Variants in ARHGAP29 observed in about 807,000 individuals in gnomAD.
The protein encoded by ARHGAP29 is Rho GTPase activating protein 29, also known as rho GTPase-activating protein 29.
A neutral mutation model predicts 122.6 loss-of-function variants in ARHGAP29; 43 were observed. That is an observed-to-expected ratio of 0.35 (90% CI 0.27 to 0.45). The LOEUF (loss-of-function observed/expected upper bound fraction) is 0.45, where lower values mean the gene tolerates loss of function less well. Among genes scored for constraint, ARHGAP29 ranks in the 20% least tolerant of loss-of-function variants. The pLI is 1.00. For synonymous variants in ARHGAP29, 506 were observed against 497.1 expected (o/e 1.02, Z -0.24); for missense variants, 1,303 against 1,477.2 (o/e 0.88, Z 1.93).
chr1:94,277,941 AAGTAGTT>A (rs1655243378), upstream of ARHGAP29, among the ~76,000 whole-genome samples: 2 of 152,356 alleles, frequency 1.3e-5, no homozygotes, highest in African/African-American at 4.8e-5. Flanking sequence ...CAAAGGGGCT[AAGTAGTT>A]TTTGAAAAAT....
upstream of ARHGAP29, among the ~76,000 whole-genome samples, chr1:94,240,600 A>T (rs1653537220): frequency 6.6e-6 from 1 of 152,234 alleles, no homozygotes; most frequent in African/African-American, 2.4e-5. Flanking sequence ...CCAATAGCTT[A>T]AGTTTTTCAA....
At chr1:94,206,040 A>G (rs1317119286) in intron 5 of ARHGAP29, among the ~76,000 whole-genome samples, 5 of 152,214 alleles carry the variant, frequency 3.3e-5, no homozygotes, top group African/African-American at 1.2e-4. Context: ...GAAGACACAG[A>G]TCTGCCTCTT....
chr1:94,302,078 C>A, the ARHGAP29 span: 1 of 278,062 alleles, frequency 3.6e-6, no homozygotes, highest in Non-Finnish European at 7.0e-6. Flanking sequence ...TTTGGCCATA[C>A]TGGGCACCTG....
the ARHGAP29 span, among the ~76,000 whole-genome samples, chr1:94,310,371 T>G: frequency 6.6e-6 from 1 of 152,192 alleles, no homozygotes; most frequent in Non-Finnish European, 1.5e-5. Context: ...CCCAGCTGGA[T>G]GAAGCCATGT....
chr1:94,292,523 G>T, the ARHGAP29 span, among the ~76,000 whole-genome samples: 1 of 152,172 alleles, frequency 6.6e-6, no homozygotes, highest in Non-Finnish European at 1.5e-5. Flanking sequence ...TTCCTTTGGA[G>T]GAGAAGAGGC....
intron 3 of ARHGAP29, among the ~76,000 whole-genome samples, chr1:94,215,444 A>T (rs1482727876): frequency 6.6e-6 from 1 of 152,106 alleles, no homozygotes; most frequent in Non-Finnish European, 1.5e-5. Context: ...AAAAACTATA[A>T]TAAAAACAGT....
At chr1:94,253,636 A>ACGCACGCACGCACGCACG (rs1553214897) in intron 1 of ARHGAP29, among the ~76,000 whole-genome samples, 2 of 149,232 alleles carry the variant, frequency 1.3e-5, no homozygotes, top group Non-Finnish European at 3.0e-5. Flanking sequence ...TCTGGAACAC[A>ACGCACGCACGCACGCACG]CACGCACGCA....
rs1169379585 is a variant in ARHGAP29 at position 94,203,124 on chromosome 1, A to G, written c.849T>C (p.Ala283=). Residue 283 remains alanine, a synonymous_variant, in exon 9 of 23, where the codon GCT becomes GCC. Coordinates refer to ENST00000260526, the MANE Select transcript of ARHGAP29 (RefSeq NM_004815.4). ...SSHLLQQTIA[A]LQANKFVQPL... is the part of the protein sequence containing the mutation. ...CCTGCACAAATTTGTTAGCCTGGAG[A>G]GCTGCAATTGTTTGTTGTAAAAGGT... 7 of 1,613,108 alleles carry G rather than the reference A, an allele frequency of 4.3e-6. No individual in the cohort carries two copies. The highest frequency in any genetic ancestry group is 5.1e-6 in the Non-Finnish European group (6 of 1,179,554).
intron 8 of ARHGAP29, 151 bp downstream of exon 8, chr1:94,203,779 C>T (rs1651016448): frequency 1.6e-6 from 1 of 637,330 alleles, no homozygotes; most frequent in African/African-American, 1.8e-5. Flanking sequence ...TCATAATGGA[C>T]ATCCATCTAA....
At position 94,184,052 on chromosome 1, in the gene ARHGAP29, CA is replaced by C. The variant is rs1387571299; in HGVS notation, c.2247+98del. 133 of 1,312,558 alleles carry C rather than the reference CA, an allele frequency of 1.0e-4. No individual in the cohort carries two copies. The Middle Eastern group carries it at 1.3e-3, about 12-fold the overall frequency. The allele number at this position is 1,312,558 out of a possible 1,614,324, so 81.3% of individuals were successfully genotyped here. A position where few individuals can be genotyped will look rare whatever the true frequency, so the allele number is the denominator to read the frequency against. ...AGCAAGATACCTATACCGTCTATGC[CA>C]ATGAAAAAACATGTGTAGCAAATGT... On this transcript the variant is annotated intron_variant, in intron 19 of 22. Transcript: ENST00000260526.
At chr1:94,198,339 A>C (rs1650599217) in intron 12 of ARHGAP29, among the ~76,000 whole-genome samples, 1 of 152,038 alleles carries the variant, frequency 6.6e-6, no homozygotes, top group Non-Finnish European at 1.5e-5. Context: ...TTAGCTGGGC[A>C]TGGTGGCATG....
intron 1 of ARHGAP29, among the ~76,000 whole-genome samples, chr1:94,263,367 C>G (rs1433455039): frequency 6.7e-6 from 1 of 150,352 alleles, no homozygotes; most frequent in Non-Finnish European, 1.5e-5. Context: ...TATAACAAAC[C>G]TGCACATGTA....
intron 3 of ARHGAP29, among the ~76,000 whole-genome samples, chr1:94,211,725 T>G (rs1375565054): frequency 6.6e-6 from 1 of 152,208 alleles, no homozygotes; most frequent in East Asian, 1.9e-4. Flanking sequence ...ATTTAGAAAC[T>G]AAATAACACA....
upstream of ARHGAP29, among the ~76,000 whole-genome samples, chr1:94,241,756 A>C (rs1423907131): frequency 8.4e-6 from 1 of 119,510 alleles, no homozygotes; most frequent in Admixed American, 8.8e-5. Flanking sequence ...ATATAAAATC[A>C]AATGGAGGAA....
intron 3 of ARHGAP29, among the ~76,000 whole-genome samples, chr1:94,217,872 A>ACC (rs1228530734): frequency 0.11 from 16,696 of 151,818 alleles, 1,123 homozygotes; most frequent in African/African-American, 0.18. Flanking sequence ...AAAAAAAAAA[A>ACC]ACTGAAACCT....
chr1:94,177,945 A>G lies in ARHGAP29; in HGVS notation c.2703T>C (p.Val901=), dbSNP rs1649209852. ...QPQDVMCSIG[V]VDQGCFPKPL... ...GCTTTGGAAAACAGCCTTGATCAAC[A>G]ACACCTATGCTACACATAACATCTT... The change falls in exon 21 of 23, where the codon GTT becomes GTC. Residue 901 remains valine, a synonymous_variant. Coordinates refer to ENST00000260526, the MANE Select transcript of ARHGAP29 (RefSeq NM_004815.4). 1.2e-6 allele frequency: 2 copies of G among 1,614,084 alleles called. No homozygotes were observed. Among genetic ancestry groups the G allele is most frequent in the Non-Finnish European group, 1.7e-6 (2 of 1,180,054 alleles).
intron 3 of ARHGAP29, among the ~76,000 whole-genome samples, chr1:94,211,287 CAAAAAA>C (rs71094285): frequency 1.1e-4 from 4 of 36,004 alleles, no homozygotes; most frequent in Admixed American, 5.7e-4. Context: ...GCTCTGGCTC[CAAAAAA>C]AAAAAAAAAA....
intron 19 of ARHGAP29, among the ~76,000 whole-genome samples, chr1:94,183,740 C>T (rs1456883256): frequency 6.6e-6 from 1 of 152,160 alleles, no homozygotes; most frequent in African/African-American, 2.4e-5. Flanking sequence ...GATTTCCTTA[C>T]ACAGCTAGAT....
chr1:94,299,935 T>C, the ARHGAP29 span, among the ~76,000 whole-genome samples: 1 of 152,180 alleles, frequency 6.6e-6, no homozygotes, highest in Non-Finnish European at 1.5e-5. Context: ...CCTTTGCCTC[T>C]ACTGGGAGAA....
Sources: gnomAD v4.1 joint callset for allele counts (sites outside exome capture counted in the v4.1 genomes callset) on GRCh38, gnomAD v4.1.1 for gene constraint, MANE v1.5 for transcripts, NCBI Gene and HGNC (gene_info 2026-07-23, HGNC 2026-07-21) for gene names.